NF1: variants seen among roughly 807,000 people sequenced by gnomAD.
The protein encoded by NF1 is neurofibromin 1, also known as neurofibromin.
In NF1, 122 loss-of-function variants were observed where a neutral mutation model predicts 325.7. The ratio of observed to expected loss-of-function variants is 0.37; its 90% CI spans 0.32 to 0.44. The LOEUF is 0.44. NF1 is among the 20% of genes least tolerant of loss of function. NF1 has a pLI of 1.00. For synonymous variants in NF1, 1,091 were observed against 1,186.0 expected, an observed-to-expected ratio of 0.92 and a Z score of 1.65; for missense variants, 2,140 against 3,415.4, an observed-to-expected ratio of 0.63 and a Z score of 9.31.
chr17:31,118,978 A>G (rs1193423299), intron 1 of NF1, among the ~76,000 whole-genome samples: 1 of 148,728 alleles, frequency 6.7e-6, no homozygotes, highest in Non-Finnish European at 1.5e-5. Context: ...CTGTGTTGCC[A>G]GGCTGGAGTG....
Position 31,350,170 on chromosome 17 carries a change from G to A in NF1, c.7322-13G>A, listed in dbSNP as rs753596831. On this transcript the variant is annotated splice_polypyrimidine_tract_variant and intron_variant, in intron 49 of 57. Coordinates refer to ENST00000358273, the MANE Select transcript of NF1 (RefSeq NM_001042492.3). Reference sequence around the variant, plus strand: ...TTGTTAAATTTTTTAACCTGCCACCGTTTTCCTTTTAGCTTTACTTACAGT... The same window carrying A: ...TTGTTAAATTTTTTAACCTGCCACCATTTTCCTTTTAGCTTTACTTACAGT... 1.5e-5 allele frequency: 24 copies of A among 1,613,764 alleles called. No individual in the cohort carries two copies. The highest frequency in any genetic ancestry group is 1.1e-4 in the South Asian group (10 of 91,076).
chr17:31,245,782 T>A (rs926105532), intron 29 of NF1, among the ~76,000 whole-genome samples: 1 of 152,140 alleles, frequency 6.6e-6, no homozygotes, highest in Admixed American at 6.5e-5. Context: ...CGTTGGGTTT[T>A]TATGGTGACC....
rs878853912 is a variant in NF1 at position 31,343,088 on chromosome 17, A to G, written c.7142A>G (p.Asn2381Ser). Residue 2381 changes from asparagine to serine, a missense_variant, in exon 48 of 58, where the codon AAT becomes AGT. Coordinates refer to ENST00000358273, the MANE Select transcript of NF1 (RefSeq NM_001042492.3). The part of the protein sequence containing the change: ...CKQMDHFVGL[N>S]FNSNFNFALV... ...CAAATGGATCATTTTGTTGGACTCA[A>G]TTTCAACTCTAACTTTAACTTTGCA... 1.2e-6 allele frequency: 2 copies of G among 1,613,974 alleles called. No individual in the cohort carries two copies. Among genetic ancestry groups the G allele is most frequent in the Non-Finnish European group, 8.5e-7 (1 of 1,179,954 alleles).
At chr17:31,179,600 G>A (rs899954484) in intron 5 of NF1, among the ~76,000 whole-genome samples, 2 of 152,118 alleles carry the variant, frequency 1.3e-5, no homozygotes, top group African/African-American at 4.8e-5. Flanking sequence ...CTTGGCCTCA[G>A]TGAAACCCCA....
chr17:31,353,586 C>G lies in NF1; in HGVS notation c.7615+1172C>G, dbSNP rs539940618. ...TAAGCCAAGATTGCACCACTGCACTCCAGCCTGGGTGACAGAGTGGGACCC... is the reference window on the plus strand; with the variant it reads ...TAAGCCAAGATTGCACCACTGCACTGCAGCCTGGGTGACAGAGTGGGACCC... On this transcript the variant is annotated intron_variant, in intron 51 of 57. Coordinates refer to ENST00000358273, the MANE Select transcript of NF1 (RefSeq NM_001042492.3). Among the ~76,000 whole-genome samples, 5 of 152,302 alleles carry G rather than the reference C, an allele frequency of 3.3e-5. No individual in the cohort carries two copies. The East Asian group carries it at 5.8e-4, about 18-fold the overall frequency.
chr17:31,356,396 A>G, intron 51 of NF1, 64 bp from the exon 52 acceptor site: 1 of 1,537,026 alleles, frequency 6.5e-7, no homozygotes, highest in Non-Finnish European at 9.0e-7. Flanking sequence ...TTTTCTTTTT[A>G]GTGTATTCCC....
At position 31,350,234 on chromosome 17, in the gene NF1, G is replaced by C. The variant is rs1555536130; in HGVS notation, c.7373G>C (p.Arg2458Thr). The C allele has an allele frequency of 6.2e-7, 1 of 1,613,852 alleles. No homozygotes were observed. Among genetic ancestry groups the C allele is most frequent in the Non-Finnish European group, 8.5e-7 (1 of 1,179,816 alleles). Reference sequence around the variant, plus strand: ...CGAAGTCGCTGCAGCCTAAAACATAGAAAGTCACTTCTTCTTACTGATATT... The same window carrying C: ...CGAAGTCGCTGCAGCCTAAAACATACAAAGTCACTTCTTCTTACTGATATT... ...EVRSRCSLKH[R>T]KSLLLTDISM... The change falls in exon 50 of 58, where the codon AGA (arginine) becomes ACA (threonine). Residue 2458 changes from arginine to threonine, a missense_variant. Arg to Thr is a moderately conservative substitution (Grantham distance 71). Around this residue, in one of 10 missense-constraint regions of NF1, gnomAD observed 522 missense variants for 749.0 expected, o/e 0.70. Transcript: ENST00000358273.
chr17:31,266,076 T>C (rs1468394202), intron 36 of NF1, among the ~76,000 whole-genome samples: 1 of 152,232 alleles, frequency 6.6e-6, no homozygotes, highest in East Asian at 1.9e-4. Flanking sequence ...AGAGACAACA[T>C]GATACATAGA....
At chr17:31,198,269 T>TA (rs2066468560) in intron 8 of NF1, among the ~76,000 whole-genome samples, 1 of 152,164 alleles carries the variant, frequency 6.6e-6, no homozygotes, top group African/African-American at 2.4e-5. Context: ...TTGGTATCGG[T>TA]AATGTTGGAC....
intron 48 of NF1, among the ~76,000 whole-genome samples, chr17:31,345,347 G>C (rs1282132771): frequency 6.6e-6 from 1 of 152,226 alleles, no homozygotes. Flanking sequence ...GCGCTGGGCT[G>C]AGGGGAGGGG....
At chr17:31,284,502 C>T (rs1216840936) in intron 36 of NF1, among the ~76,000 whole-genome samples, 1 of 152,008 alleles carries the variant, frequency 6.6e-6, no homozygotes, top group African/African-American at 2.4e-5. Flanking sequence ...CCAGGCTGGT[C>T]TTGAGCTCCT....
At chr17:31,286,450 T>C (rs2068229580) in intron 36 of NF1, among the ~76,000 whole-genome samples, 1 of 152,192 alleles carries the variant, frequency 6.6e-6, no homozygotes, top group Non-Finnish European at 1.5e-5. Flanking sequence ...TCATACTTAA[T>C]GACCTGCAGC....
chr17:31,338,544 A>C (rs8079422), intron 45 of NF1, among the ~76,000 whole-genome samples, 160 bp from the exon 46 acceptor site: 6 of 152,226 alleles, frequency 3.9e-5, no homozygotes, highest in African/African-American at 1.4e-4. Context: ...ATAAGAAAAC[A>C]AATGTACATT....
At chr17:31,356,844 T>C (rs2070282542) in intron 52 of NF1, 116 bp from the exon 53 acceptor site, 1 of 1,443,848 alleles carries the variant, frequency 6.9e-7, no homozygotes, top group South Asian at 1.2e-5. Flanking sequence ...GATGTTTATG[T>C]TAGTATTTTA....
In NF1 at chr17:31,098,192, G is replaced by A. The variant is rs545779615; in HGVS notation, c.60+2823G>A. Among the ~76,000 whole-genome samples the A allele has an allele frequency of 2.0e-5, 3 of 150,844 alleles. No homozygotes were observed. The South Asian group carries it at 6.3e-4, about 31-fold the overall frequency. On this transcript the variant is annotated intron_variant, in intron 1 of 57. Coordinates refer to ENST00000358273, the MANE Select transcript of NF1 (RefSeq NM_001042492.3). ...TAATTCAAATTAGAGTTCACCTTACGGTTGAAAATGTCTTTTAGTCAGAAA... is the reference window on the plus strand; with the variant it reads ...TAATTCAAATTAGAGTTCACCTTACAGTTGAAAATGTCTTTTAGTCAGAAA...
chr17:31,367,974 T>C (rs186402562), intron 57 of NF1, among the ~76,000 whole-genome samples: 3 of 151,704 alleles, frequency 2.0e-5, no homozygotes, highest in East Asian at 1.9e-4. Context: ...AAAAAAAATA[T>C]ATGGTCATTA....
chr17:31,099,948 C>T (rs757970437), intron 1 of NF1, among the ~76,000 whole-genome samples: 10 of 149,450 alleles, frequency 6.7e-5, no homozygotes, highest in Non-Finnish European at 1.5e-4. Context: ...GTATGCCCCA[C>T]TGGTTCCTGT....
chr17:31,222,252 C>G (rs1441871923), intron 15 of NF1: 7 of 1,061,868 alleles, frequency 6.6e-6, no homozygotes, highest in African/African-American at 1.6e-5. Context: ...AGTTATAAGC[C>G]TAGAATGATA....
intron 21 of NF1, 67 bp from the exon 22 acceptor site, chr17:31,229,768 A>G: frequency 6.3e-7 from 1 of 1,591,088 alleles, no homozygotes; most frequent in Non-Finnish European, 8.6e-7. Context: ...AGTCAGTTTC[A>G]TCTCTCTAGG....
Sources: allele counts gnomAD v4.1 joint callset (sites outside exome capture counted in the v4.1 genomes callset), GRCh38; gene constraint gnomAD v4.1.1; regional missense constraint gnomAD v4.1.1; transcripts MANE v1.5; gene names NCBI Gene and HGNC (gene_info 2026-07-23, HGNC 2026-07-21).